Variants in WWOX observed in about 807,000 individuals in gnomAD.
The protein encoded by WWOX is WW domain containing oxidoreductase.
WWOX carries 69 observed loss-of-function variants against 46.2 expected under a neutral mutation model. The ratio of observed to expected loss-of-function variants is 1.49; its 90% CI spans 1.23 to 1.82. The LOEUF is 1.82. Among genes scored for constraint, WWOX ranks in the 40% most tolerant of loss-of-function variants. The pLI, the probability that WWOX is intolerant of heterozygous loss-of-function variation, is 0.00. For synonymous variants in WWOX, 359 were observed against 202.6 expected (o/e 1.77, Z -6.56); for missense variants, 919 against 542.6 (o/e 1.69, Z -6.89).
chr16:78,831,645 C>G (rs1329652624), intron 8 of WWOX, among the ~76,000 whole-genome samples: 3 of 152,100 alleles, frequency 2.0e-5, no homozygotes, highest in African/African-American at 7.2e-5. Flanking sequence ...GTTTTTTCAT[C>G]TGTGAAAGAG....
At chr16:79,117,235 T>G (rs1480760254) in intron 8 of WWOX, among the ~76,000 whole-genome samples, 1 of 152,076 alleles carries the variant, frequency 6.6e-6, no homozygotes. Context: ...GGTCTTGAAC[T>G]TGTGGTGAAT....
chr16:78,650,583 A>C (rs1220350374), intron 8 of WWOX, among the ~76,000 whole-genome samples: 1 of 152,064 alleles, frequency 6.6e-6, no homozygotes, highest in Non-Finnish European at 1.5e-5. Flanking sequence ...TAGGTTATTC[A>C]CTCTGGTCTT....
At chr16:78,614,908 C>T (rs975554569) in intron 8 of WWOX, among the ~76,000 whole-genome samples, 1 of 152,112 alleles carries the variant, frequency 6.6e-6, no homozygotes, top group East Asian at 1.9e-4. Flanking sequence ...TAAATCCATT[C>T]TTAGATTTTC....
chr16:78,211,073 TTGATTAAAGA>T (rs2036545737), intron 5 of WWOX, among the ~76,000 whole-genome samples: 3 of 152,192 alleles, frequency 2.0e-5, no homozygotes, highest in Non-Finnish European at 4.4e-5. Flanking sequence ...CCTCTAAAGT[TTGATTAAAGA>T]TACTTCAGAT....
intron 8 of WWOX, among the ~76,000 whole-genome samples, chr16:78,947,774 A>G (rs1002265154): frequency 8.5e-5 from 13 of 152,230 alleles, no homozygotes; most frequent in African/African-American, 1.4e-4. Flanking sequence ...TCTTGCCTCC[A>G]GGGGCTAAAT....
intron 8 of WWOX, among the ~76,000 whole-genome samples, chr16:78,608,078 A>T (rs1216765966): frequency 6.6e-6 from 1 of 152,188 alleles, no homozygotes; most frequent in African/African-American, 2.4e-5. Context: ...AGATGGAACC[A>T]TTTTAGTGCA....
At position 78,784,077 on chromosome 16, in the gene WWOX, A is replaced by C. The variant is rs148130172; in HGVS notation, c.1056+351325A>C. Among the ~76,000 whole-genome samples the C allele has an allele frequency of 3.9e-3, 597 of 152,272 alleles. 6 individuals are homozygous for C. The highest frequency in any genetic ancestry group is 0.02 in the South Asian group (94 of 4,816). On this transcript the variant is annotated intron_variant, in intron 8 of 8. Transcript: ENST00000566780. Reference sequence around the variant, plus strand: ...TATCAACAGATACCATGTACTGAGCACTTACTTTGTACCATGCAATGCTTA... The same window carrying C: ...TATCAACAGATACCATGTACTGAGCCCTTACTTTGTACCATGCAATGCTTA...
chr16:78,957,375 C>T (rs2046188478), intron 8 of WWOX, among the ~76,000 whole-genome samples: 3 of 152,160 alleles, frequency 2.0e-5, no homozygotes, highest in Admixed American at 6.6e-5. Context: ...TTGTTCTTTT[C>T]CCCCTGTCTC....
chr16:78,966,866 A>T (rs1167990333), intron 8 of WWOX, among the ~76,000 whole-genome samples: 1 of 152,148 alleles, frequency 6.6e-6, no homozygotes, highest in East Asian at 1.9e-4. Flanking sequence ...GAAAAATAAT[A>T]GTTCCCACCT....
At chr16:78,915,208 TC>T (rs1199363446) in intron 8 of WWOX, among the ~76,000 whole-genome samples, 1 of 152,082 alleles carries the variant, frequency 6.6e-6, no homozygotes, top group Non-Finnish European at 1.5e-5. Flanking sequence ...CCAAATCAGA[TC>T]ATGATTCATT....
At chr16:78,984,329 G>A (rs1353092025) in intron 8 of WWOX, among the ~76,000 whole-genome samples, 1 of 152,140 alleles carries the variant, frequency 6.6e-6, no homozygotes, top group African/African-American at 2.4e-5. Flanking sequence ...CTCCAAGAAA[G>A]CACTCTCTAG....
Position 78,632,720 on chromosome 16 carries a change from A to G in WWOX, c.1056+199968A>G, listed in dbSNP as rs187811564. On this transcript the variant is annotated intron_variant, in intron 8 of 8. Coordinates refer to ENST00000566780, the MANE Select transcript of WWOX (RefSeq NM_016373.4). ...ATTACAGGTGTGCGCCACCACGCCC[A>G]GCTGATTTTGTATTTTTAGTAGAGT... Among the ~76,000 whole-genome samples the G allele has an allele frequency of 4.0e-3, 605 of 151,292 alleles. 4 individuals are homozygous for G. Among genetic ancestry groups the G allele is most frequent in the African/African-American group, 0.014 (586 of 41,228 alleles).
At chr16:79,133,524 G>A (rs1167120339) in intron 8 of WWOX, among the ~76,000 whole-genome samples, 1 of 152,146 alleles carries the variant, frequency 6.6e-6, no homozygotes, top group Non-Finnish European at 1.5e-5. Flanking sequence ...TTAAACTTCA[G>A]GTCCTTAAAT....
chr16:78,111,801 C>G (rs543021637), intron 3 of WWOX: 5 of 167,544 alleles, frequency 3.0e-5, no homozygotes, highest in East Asian at 1.8e-4. Flanking sequence ...GTTTTAAAGT[C>G]TTTGATCTTT....
At chr16:78,835,682 G>A (rs1407568868) in intron 8 of WWOX, among the ~76,000 whole-genome samples, 1 of 152,176 alleles carries the variant, frequency 6.6e-6, no homozygotes, top group Admixed American at 6.5e-5. Flanking sequence ...CAGCAGTTCT[G>A]AAACTCACCC....
At chr16:78,933,784 A>T (rs2045674524) in intron 8 of WWOX, among the ~76,000 whole-genome samples, 1 of 152,094 alleles carries the variant, frequency 6.6e-6, no homozygotes, top group Admixed American at 6.5e-5. Context: ...AAAATCCTGC[A>T]CCCGTAATTC....
intron 5 of WWOX, among the ~76,000 whole-genome samples, chr16:78,247,485 T>G (rs1287359992): frequency 6.6e-6 from 1 of 151,848 alleles, no homozygotes; most frequent in Non-Finnish European, 1.5e-5. Context: ...TGAAGGAGGG[T>G]ACAGCTGACC....
In WWOX at chr16:78,763,751, T is replaced by G. The variant is rs528466730; in HGVS notation, c.1056+330999T>G. On this transcript the variant is annotated intron_variant, in intron 8 of 8. Transcript: ENST00000566780. ...TGTCTCAATTCCTTTTGATTCTTCT[T>G]TTCACCCATCTCATGTTGACTTAAT... Among the ~76,000 whole-genome samples the G allele has an allele frequency of 7.9e-5, 12 of 152,302 alleles. No individual in the cohort carries two copies. In the South Asian group the frequency reaches 1.0e-3, roughly 13 times the overall value.
chr16:78,170,757 G>A (rs2035130448), intron 5 of WWOX, among the ~76,000 whole-genome samples: 1 of 152,128 alleles, frequency 6.6e-6, no homozygotes, highest in South Asian at 2.1e-4. Context: ...ATATATTTTG[G>A]AAAGATGATT....
Sources: allele counts gnomAD v4.1 joint callset (sites outside exome capture counted in the v4.1 genomes callset), GRCh38; gene constraint gnomAD v4.1.1; transcripts MANE v1.5; gene names NCBI Gene and HGNC (gene_info 2026-07-23, HGNC 2026-07-21).